The following PLCG2 variants were observed in gnomAD, a reference collection of about 807,000 sequenced individuals.
PLCG2 encodes phospholipase C gamma 2, also known as 1-phosphatidylinositol 4,5-bisphosphate phosphodiesterase gamma-2.
A neutral mutation model predicts 175.6 loss-of-function variants in PLCG2; 69 were observed. The ratio of observed to expected loss-of-function variants is 0.39; its 90% CI spans 0.32 to 0.48. The LOEUF is 0.48. Ranked by LOEUF, PLCG2 falls within the 20% of genes least tolerant of loss-of-function variation. The probability of loss-of-function intolerance (pLI) is 0.91; values close to 1 mark genes in which losing one functional copy is unlikely to be tolerated. For missense variants in PLCG2, 1,798 were observed against 1,650.9 expected (o/e 1.09, Z -1.54); for synonymous variants, 827 against 624.0 (o/e 1.33, Z -4.85).
At position 81,891,480 on chromosome 16, in the gene PLCG2, G is replaced by C; in HGVS notation, c.876G>C (p.Thr292=). The C allele has an allele frequency of 1.3e-6, 2 of 1,576,440 alleles. No homozygotes were observed. Among genetic ancestry groups the C allele is most frequent in the South Asian group, 2.2e-5 (2 of 90,364 alleles). Residue 292 remains threonine, a synonymous_variant, in exon 11 of 33, where the codon ACG becomes ACC. Coordinates refer to ENST00000564138, the MANE Select transcript of PLCG2 (RefSeq NM_002661.5). ...EPFLFVDEFL[T]YLFSRENSIW... is the part of the protein sequence containing the mutation. ...GTGTTTGACTCTTTTAGTTCCTCAC[G>C]TACCTGTTTTCACGAGAAAACAGCA...
rs191925656 is a variant in PLCG2 at position 81,914,571 on chromosome 16, G to A, written c.2054+1855G>A. Among the ~76,000 whole-genome samples the A allele has an allele frequency of 9.8e-5, 15 of 152,314 alleles. 1 individual carries two copies. The highest frequency in any genetic ancestry group is 9.8e-4 in the Admixed American group (15 of 15,302). On this transcript the variant is annotated intron_variant, in intron 19 of 32. Transcript: ENST00000564138. ...GATTGGAGGTGTCTTGAGAATGGAA[G>A]TTTTTATTTTTTAGAAGTTAATAGA...
Position 81,919,582 on chromosome 16 carries a change from G to C in PLCG2, c.2153G>C (p.Ser718Thr), listed in dbSNP as rs1233473968. The stretch of plus-strand genomic sequence containing the variant: ...TTTGAGAGTCTGGTGGAGCTCGTCA[G>C]TTACTACGAGAAGCATTCACTCTAC... ...AYFESLVELV[S>T]YYEKHSLYRK... Residue 718 changes from serine to threonine, a missense_variant, in exon 20 of 33, where the codon AGT becomes ACT. Coordinates refer to ENST00000564138, the MANE Select transcript of PLCG2 (RefSeq NM_002661.5). The C allele has an allele frequency of 6.2e-7, 1 of 1,613,978 alleles. No homozygotes were observed. Among genetic ancestry groups the C allele is most frequent in the African/African-American group, 1.3e-5 (1 of 74,910 alleles).
chr16:81,938,662 CG>C, intron 28 of PLCG2, 138 bp from the exon 29 acceptor site: 1 of 609,070 alleles, frequency 1.6e-6, no homozygotes, highest in Non-Finnish European at 2.9e-6. Flanking sequence ...AAGGTTGCTC[CG>C]GCTTTTCCAG....
chr16:81,859,092 CTTTT>C lies in PLCG2; in HGVS notation c.432-23_432-20del. 1.4e-6 allele frequency: 2 copies of C among 1,468,166 alleles called. No homozygotes were observed. The highest frequency in any genetic ancestry group is 1.9e-6 in the Non-Finnish European group (2 of 1,046,976). The allele number at this position is 1,468,166 out of a possible 1,614,324, so 90.9% of individuals were successfully genotyped here. ...TTTCTAATTTTCTCTTTCTCTCTTT[CTTTT>C]GTCTCATATTTCTTTCCAGTTGGCT... is the stretch of plus-strand genomic sequence containing the variant. On this transcript the variant is annotated intron_variant, in intron 4 of 32. Coordinates refer to ENST00000564138, the MANE Select transcript of PLCG2 (RefSeq NM_002661.5).
At chr16:81,855,639 A>G (rs548660025) in intron 3 of PLCG2, among the ~76,000 whole-genome samples, 1 of 152,262 alleles carries the variant, frequency 6.6e-6, no homozygotes, top group South Asian at 2.1e-4. Flanking sequence ...ACTTGGGGAG[A>G]CAGATGTGTG....
chr16:81,785,113 G>T (rs980944416), intron 1 of PLCG2, among the ~76,000 whole-genome samples: 1 of 152,114 alleles, frequency 6.6e-6, no homozygotes, highest in African/African-American at 2.4e-5. Flanking sequence ...GCCGGTGAAA[G>T]GGTGAGATGC....
chr16:81,829,419 T>C (rs757685891), intron 2 of PLCG2, among the ~76,000 whole-genome samples: 11 of 152,212 alleles, frequency 7.2e-5, no homozygotes, highest in Non-Finnish European at 1.5e-4. Context: ...AGTTTCACCA[T>C]GTTGACCAGG....
intron 27 of PLCG2, 171 bp from the exon 28 acceptor site, chr16:81,937,587 A>G (rs557049203): frequency 2.1e-6 from 1 of 466,156 alleles, no homozygotes; most frequent in Admixed American, 3.9e-5. Flanking sequence ...CCAGTCTGGG[A>G]GTTTGCTGTC....
At chr16:81,863,335 G>T (rs933847363) in intron 5 of PLCG2, among the ~76,000 whole-genome samples, 1 of 152,242 alleles carries the variant, frequency 6.6e-6, no homozygotes, top group Admixed American at 6.5e-5. Context: ...TTCACTTAGT[G>T]TAATGTCTCC....
intron 2 of PLCG2, among the ~76,000 whole-genome samples, chr16:81,824,839 T>C (rs1904975675): frequency 6.6e-6 from 1 of 152,166 alleles, no homozygotes; most frequent in Non-Finnish European, 1.5e-5. Flanking sequence ...GCAAAGGAGA[T>C]TTTTGCATGT....
intron 6 of PLCG2, 52 bp from the exon 7 acceptor site, chr16:81,870,800 A>G (rs1907476508): frequency 2.1e-6 from 2 of 969,746 alleles, no homozygotes; most frequent in East Asian, 2.5e-5. Context: ...GCATGGAGCC[A>G]TTCTTACGGT....
intron 9 of PLCG2, among the ~76,000 whole-genome samples, chr16:81,883,966 G>A (rs1287149749): frequency 1.3e-5 from 2 of 152,188 alleles, no homozygotes; most frequent in African/African-American, 4.8e-5. Flanking sequence ...TGTCACAGCG[G>A]GAGGCTGCTG....
At chr16:81,816,412 C>G (rs779714320) in intron 2 of PLCG2, among the ~76,000 whole-genome samples, 1 of 152,094 alleles carries the variant, frequency 6.6e-6, no homozygotes, top group Non-Finnish European at 1.5e-5. Flanking sequence ...AACTATCTGG[C>G]ATATCCTATT....
At chr16:81,746,106 C>T (rs1909698800) in intron 1 of PLCG2, among the ~76,000 whole-genome samples, 1 of 152,168 alleles carries the variant, frequency 6.6e-6, no homozygotes, top group Non-Finnish European at 1.5e-5. Flanking sequence ...ATGCCATAGT[C>T]GAATGGAACC....
chr16:81,949,078 A>C (rs1413846534), intron 31 of PLCG2, among the ~76,000 whole-genome samples: 1 of 152,242 alleles, frequency 6.6e-6, no homozygotes, highest in Non-Finnish European at 1.5e-5. Flanking sequence ...GACACCAAAG[A>C]TAATGTGAAG....
At chr16:81,749,914 A>T (rs555030124) in intron 1 of PLCG2, among the ~76,000 whole-genome samples, 1 of 152,170 alleles carries the variant, frequency 6.6e-6, no homozygotes, top group Non-Finnish European at 1.5e-5. Flanking sequence ...ACTTAAGTGT[A>T]ATCCATCTAC....
In PLCG2 at chr16:81,854,464, GA is replaced by G. The variant is rs1225952221; in HGVS notation, c.217del (p.Ile73SerfsTer54). 1 of 1,614,072 alleles carries G rather than the reference GA, an allele frequency of 6.2e-7. No homozygotes were observed. The highest frequency in any genetic ancestry group is 8.5e-7 in the Non-Finnish European group (1 of 1,179,936). ...EGFLDIMEIK[E>X]IRPGKNSKDF... is the part of the protein sequence containing the mutation. ...TTTAGTGGATATCATGGAAATAAAA[GA>G]AATCCGCCCAGGGAAGAACTCCAAA... On this transcript the variant is annotated frameshift_variant, in exon 3 of 33. Coordinates refer to ENST00000564138, the MANE Select transcript of PLCG2 (RefSeq NM_002661.5). LOFTEE classifies it high-confidence loss of function.
intron 19 of PLCG2, among the ~76,000 whole-genome samples, chr16:81,915,944 G>A (rs545276382): frequency 1.4e-4 from 21 of 152,280 alleles, no homozygotes; most frequent in African/African-American, 5.1e-4. Context: ...GAGAGGTCCT[G>A]GTAGAAAGCA....
At chr16:81,751,032 G>A (rs1197477226) in intron 1 of PLCG2, among the ~76,000 whole-genome samples, 1 of 130,270 alleles carries the variant, frequency 7.7e-6, no homozygotes, top group Non-Finnish European at 1.6e-5. Flanking sequence ...CCAGACTGGA[G>A]TACGGTAGTG....
Sources: gnomAD v4.1 joint callset for allele counts (sites outside exome capture counted in the v4.1 genomes callset) on GRCh38, gnomAD v4.1.1 for gene constraint, MANE v1.5 for transcripts, NCBI Gene and HGNC (gene_info 2026-07-23, HGNC 2026-07-21) for gene names.